LGSN: variants seen among roughly 807,000 people sequenced by gnomAD.
The protein encoded by LGSN is lengsin.
LGSN carries 21 observed loss-of-function variants against 19.5 expected under a neutral mutation model. The ratio of observed to expected loss-of-function variants is 1.07; its 90% CI spans 0.76 to 1.55. LGSN has a LOEUF of 1.55. Ranked by LOEUF, LGSN falls within the 40% of genes most tolerant of loss-of-function variation. LGSN has a pLI of 0.00. For synonymous variants in LGSN, 257 were observed against 215.6 expected, an observed-to-expected ratio of 1.19 and a Z score of -1.68; for missense variants, 673 against 608.5, an observed-to-expected ratio of 1.11 and a Z score of -1.12.
At chr6:63,427,890 C>A in the LGSN span, among the ~76,000 whole-genome samples, 1 of 142,592 alleles carries the variant, frequency 7.0e-6, no homozygotes, top group South Asian at 2.3e-4. Context: ...CACTAGAAAC[C>A]CATTTTCTTC....
chr6:63,483,527 G>A, the LGSN span, among the ~76,000 whole-genome samples: 28 of 151,994 alleles, frequency 1.8e-4, 1 homozygote, highest in Middle Eastern at 3.4e-3. Context: ...CACCACGCCC[G>A]GCTAATTTTT....
the LGSN span, among the ~76,000 whole-genome samples, chr6:63,481,244 T>C: frequency 6.6e-6 from 1 of 152,178 alleles, no homozygotes; most frequent in East Asian, 1.9e-4. Flanking sequence ...TAAAACTACA[T>C]ATTAAGTACA....
the LGSN span, among the ~76,000 whole-genome samples, chr6:63,554,539 T>A: frequency 6.6e-6 from 1 of 152,182 alleles, no homozygotes; most frequent in East Asian, 1.9e-4. Context: ...GGCTCACACC[T>A]GTAATCCCAG....
At chr6:63,500,667 C>T in the LGSN span, among the ~76,000 whole-genome samples, 163 of 152,088 alleles carry the variant, frequency 1.1e-3, 4 homozygotes, top group East Asian at 0.028. Flanking sequence ...GTGATCCACC[C>T]GCCTCGGCCT....
At chr6:63,446,046 C>A in the LGSN span, among the ~76,000 whole-genome samples, 3 of 151,898 alleles carry the variant, frequency 2.0e-5, no homozygotes, top group Non-Finnish European at 4.4e-5. Context: ...GTCAGGAGTT[C>A]GAGACCAGCC....
intron 1 of LGSN, among the ~76,000 whole-genome samples, chr6:63,312,540 C>A (rs1425514455): frequency 6.6e-6 from 1 of 152,124 alleles, no homozygotes; most frequent in Admixed American, 6.6e-5. Context: ...GAGCTTTCGT[C>A]CATGTATAAG....
chr6:63,468,290 G>C, the LGSN span, among the ~76,000 whole-genome samples: 1 of 151,834 alleles, frequency 6.6e-6, no homozygotes, highest in African/African-American at 2.4e-5. Flanking sequence ...ACCACACCCA[G>C]CTAATTTTTG....
the LGSN span, among the ~76,000 whole-genome samples, chr6:63,542,110 A>G: frequency 6.6e-6 from 1 of 151,736 alleles, no homozygotes; most frequent in Non-Finnish European, 1.5e-5. Context: ...GAATAAATTA[A>G]TGGCATTCAC....
chr6:63,360,985 G>A, the LGSN span, among the ~76,000 whole-genome samples: 2 of 152,234 alleles, frequency 1.3e-5, no homozygotes, highest in East Asian at 1.9e-4. Flanking sequence ...TTGGTGAACA[G>A]CAAATGTTGC....
chr6:63,564,972 A>T, the LGSN span, among the ~76,000 whole-genome samples: 2 of 152,182 alleles, frequency 1.3e-5, no homozygotes, highest in African/African-American at 2.4e-5. Context: ...CATGCAAATG[A>T]AAAGTATTCT....
the LGSN span, among the ~76,000 whole-genome samples, chr6:63,435,357 C>A: frequency 6.6e-6 from 1 of 152,172 alleles, no homozygotes. Flanking sequence ...ATGTGTTAAT[C>A]CATTTTAATA....
chr6:63,508,777 G>A, the LGSN span, among the ~76,000 whole-genome samples: 2 of 151,658 alleles, frequency 1.3e-5, no homozygotes, highest in Non-Finnish European at 2.9e-5. Context: ...AAATTAGGCG[G>A]GCGTGGTGGT....
At chr6:63,572,572 C>CCCGCCGCCGCCTGCATCG in the LGSN span, 49 of 413,554 alleles carry the variant, frequency 1.2e-4, no homozygotes, top group East Asian at 1.2e-3. Context: ...GTCTGGTGCC[C>CCCGCCGCCGCCTGCATCG]CCGCCGCCGC....
chr6:63,403,946 TTCTCTCTC>T, the LGSN span, among the ~76,000 whole-genome samples: 14 of 148,248 alleles, frequency 9.4e-5, no homozygotes, highest in Non-Finnish European at 1.8e-4. Flanking sequence ...GCCTCTCTCT[TTCTCTCTC>T]TCTCTCTCTC....
At chr6:63,332,823 T>A in the LGSN span, among the ~76,000 whole-genome samples, 42 of 152,210 alleles carry the variant, frequency 2.8e-4, 3 homozygotes, top group South Asian at 8.5e-3. Context: ...CACATGGCGG[T>A]AGGCGAAAGT....
At chr6:63,467,396 C>T in the LGSN span, among the ~76,000 whole-genome samples, 1 of 152,028 alleles carries the variant, frequency 6.6e-6, no homozygotes, top group African/African-American at 2.4e-5. Flanking sequence ...AAATAAAACA[C>T]AATCAGTGTA....
At chr6:63,413,352 T>C in the LGSN span, among the ~76,000 whole-genome samples, 2 of 152,162 alleles carry the variant, frequency 1.3e-5, no homozygotes, top group Admixed American at 1.3e-4. Flanking sequence ...AAAACTTTTC[T>C]TCTAAGAAAT....
At chr6:63,499,961 A>G in the LGSN span, among the ~76,000 whole-genome samples, 3 of 152,332 alleles carry the variant, frequency 2.0e-5, no homozygotes, top group Admixed American at 6.5e-5. Context: ...CCAGGTAATG[A>G]CAACTCAAGT....
the LGSN span, among the ~76,000 whole-genome samples, chr6:63,447,773 G>A: frequency 6.6e-6 from 1 of 152,134 alleles, no homozygotes; most frequent in East Asian, 1.9e-4. Context: ...ATTTATTTGT[G>A]CCTCTAACCT....
Sources: allele counts gnomAD v4.1 joint callset (sites outside exome capture counted in the v4.1 genomes callset), GRCh38; gene constraint gnomAD v4.1.1; transcripts MANE v1.5; gene names NCBI Gene and HGNC (gene_info 2026-07-23, HGNC 2026-07-21).